MRPL20: variants seen among roughly 807,000 people sequenced by gnomAD.
MRPL20 encodes the protein large ribosomal subunit protein bL20m.
Under a neutral mutation model 20.0 loss-of-function variants are expected in MRPL20, and 21 were observed. The observed-to-expected ratio is 1.05, with a 90% CI of 0.74 to 1.51. The LOEUF is 1.51. MRPL20 is among the 40% of genes most tolerant of loss of function. MRPL20 has a pLI of 0.00. For synonymous variants in MRPL20, 104 were observed against 73.0 expected, an observed-to-expected ratio of 1.43 and a Z score of -2.17; for missense variants, 252 against 185.6, an observed-to-expected ratio of 1.36 and a Z score of -2.08.
chr1:1,405,672 G>A (rs529634543), intron 3 of MRPL20, 137 bp downstream of exon 3: 105 of 1,470,594 alleles, frequency 7.1e-5, no homozygotes, highest in Non-Finnish European at 9.6e-5. Context: ...GCAAACTACA[G>A]CCCAGAAGTC....
intron 3 of MRPL20, 142 bp downstream of exon 3, chr1:1,405,667 C>T (rs1274682864): frequency 2.7e-6 from 4 of 1,455,394 alleles, no homozygotes; most frequent in South Asian, 2.3e-5. Flanking sequence ...GCATAGCAAA[C>T]TACAGCCCAG....
rs767711323 is a variant in MRPL20, at chr1:1,406,917, T to C, written c.190A>G (p.Met64Val). ...CCCGGGTCCACGCTTACGGTCCTCA[T>C]GTTCTTTTTCTTCAGGTATCGGGCT... Reference protein sequence around the residue: ...TKARYLKKKNMRTLWINRITA... With the variant: ...TKARYLKKKNVRTLWINRITA... The change falls in exon 2 of 4, where the codon ATG becomes GTG. Residue 64 changes from methionine (M) to valine (V), a missense_variant. Coordinates refer to ENST00000344843, the MANE Select transcript of MRPL20 (RefSeq NM_017971.4). The C allele has an allele frequency of 6.2e-7, 1 of 1,612,562 alleles. No individual in the cohort carries two copies. The highest frequency in any genetic ancestry group is 8.5e-7 in the Non-Finnish European group (1 of 1,178,704).
chr1:1,401,942 T>G lies in MRPL20; in HGVS notation c.*141A>C, dbSNP rs2100390408. On this transcript the variant is annotated 3_prime_UTR_variant, in exon 4 of 4. Coordinates refer to ENST00000344843, the MANE Select transcript of MRPL20 (RefSeq NM_017971.4). ...GTTTGAGTTTCATTCACACAAAACA[T>G]GGACATCATCTGTGAGGCTCTGTCC... The G allele has an allele frequency of 1.0e-6, 1 of 973,208 alleles. No homozygotes were observed. Among genetic ancestry groups the G allele is most frequent in the East Asian group, 2.5e-5 (1 of 39,976 alleles). The allele number at this position is 973,208 out of a possible 1,614,324, so 60.3% of individuals were successfully genotyped here.
Position 1,406,996 on chromosome 1 carries a change from G to A in MRPL20, c.111C>T (p.Arg37=). ...CGGTTCTGACCGCCAACCTGTAGCA[G>A]CGATTTTTCCTTCCCCGGAAGTGCT... ...HARHFRGRKN[R]CYRLAVRTVI... Residue 37 remains arginine (R), a synonymous_variant, in exon 2 of 4, where the codon CGC becomes CGT. Transcript: ENST00000344843. 4 of 1,613,830 alleles carry A rather than the reference G, an allele frequency of 2.5e-6. No homozygotes were observed. Among genetic ancestry groups the A allele is most frequent in the Non-Finnish European group, 3.4e-6 (4 of 1,179,756 alleles).
chr1:1,403,531 C>T (rs1183555006), intron 3 of MRPL20, among the ~76,000 whole-genome samples: 4 of 152,096 alleles, frequency 2.6e-5, no homozygotes, highest in South Asian at 2.1e-4. Flanking sequence ...CGTGAGCCAC[C>T]GTGCCCGGCC....
chr1:1,405,604 T>C, intron 3 of MRPL20: 1 of 906,804 alleles, frequency 1.1e-6, no homozygotes, highest in Non-Finnish European at 1.7e-6. Context: ...GGTGGTCCCT[T>C]GCTCCCAAGA....
At chr1:1,406,826 G>C (rs965524834) in intron 2 of MRPL20, 83 bp downstream of exon 2, 2 of 1,180,862 alleles carry the variant, frequency 1.7e-6, no homozygotes, top group Admixed American at 3.4e-5. Flanking sequence ...GTGGCCGGGC[G>C]GCTGCACACT....
At chr1:1,407,062 C>T (rs1645392042) in intron 1 of MRPL20, 43 bp from the exon 2 acceptor site, 1 of 1,609,992 alleles carries the variant, frequency 6.2e-7, no homozygotes, top group African/African-American at 1.3e-5. Context: ...GCGGGGCCCG[C>T]GCCGGCCGCC....
chr1:1,406,221 C>T (rs1645382546), intron 2 of MRPL20: 1 of 250,180 alleles, frequency 4.0e-6, no homozygotes, highest in South Asian at 4.7e-5. Flanking sequence ...CTTGGTGGCG[C>T]ACACCTGCAG....
In MRPL20 at chr1:1,406,169, A is replaced by T. The variant is rs545321139; in HGVS notation, c.199-283T>A. The T allele has an allele frequency of 2.8e-5, 10 of 351,222 alleles. No homozygotes were observed. The South Asian group carries it at 3.4e-4, about 12-fold the overall frequency. 21.8% of individuals were successfully genotyped at this position (351,222 alleles called of 1,614,324 possible). A position where few individuals can be genotyped will look rare whatever the true frequency, so the allele number is the denominator to read the frequency against. On this transcript the variant is annotated intron_variant, in intron 2 of 3. Transcript: ENST00000344843. ...TCTGGAGTTCGAGACCAGCCTGACC[A>T]ACATGGCGGAACCCGGTCTCTACTA... is the stretch of plus-strand genomic sequence containing the variant.
chr1:1,405,403 A>C, intron 3 of MRPL20: 2 of 563,378 alleles, frequency 3.6e-6, no homozygotes, highest in Non-Finnish European at 6.3e-6. Flanking sequence ...CAGACTCCTC[A>C]GTAGCTGACA....
Position 1,403,127 on chromosome 1 carries a change from C to CAAAAA in MRPL20, c.277-876_277-872dup, listed in dbSNP as rs113198351. Among the ~76,000 whole-genome samples, 28 of 138,482 alleles carry CAAAAA rather than the reference C, an allele frequency of 2.0e-4. 1 individual carries two copies. The highest frequency in any genetic ancestry group is 5.2e-4 in the African/African-American group (19 of 36,630). 90.8% of individuals were successfully genotyped at this position (138,482 alleles called of 152,430 possible). ...CTGAGCAACAGAGTGAGATTGTATCCAAAAAAAAAAAGGAACAAAAACACA... is the reference window on the plus strand; with the variant it reads ...CTGAGCAACAGAGTGAGATTGTATCCAAAAAAAAAAAAAAAAGGAACAAAAACACA... On this transcript the variant is annotated intron_variant, in intron 3 of 3. Coordinates refer to ENST00000344843, the MANE Select transcript of MRPL20 (RefSeq NM_017971.4).
At chr1:1,405,319 G>A in intron 3 of MRPL20, 1 of 343,098 alleles carries the variant, frequency 2.9e-6, no homozygotes, top group South Asian at 3.8e-5. Context: ...TCTCACCTAG[G>A]CTAGAGTGCA....
intron 3 of MRPL20, among the ~76,000 whole-genome samples, chr1:1,403,908 C>G (rs35299041): frequency 0.06 from 9,083 of 152,262 alleles, 349 homozygotes; most frequent in East Asian, 0.092. Flanking sequence ...CTGGTGTGAT[C>G]TCAGCCCACT....
chr1:1,401,967 C>T lies in MRPL20; in HGVS notation c.*116G>A. The T allele has an allele frequency of 8.5e-7, 1 of 1,175,728 alleles. No individual in the cohort carries two copies. Among genetic ancestry groups the T allele is most frequent in the East Asian group, 2.4e-5 (1 of 41,882 alleles). 72.8% of individuals were successfully genotyped at this position (1,175,728 alleles called of 1,614,324 possible). A position where few individuals can be genotyped will look rare whatever the true frequency, so the allele number is the denominator to read the frequency against. ...TGGACATCATCTGTGAGGCTCTGTCCCAGAGAGACAGGGCCATCCCTCATG... is the reference window on the plus strand; with the variant it reads ...TGGACATCATCTGTGAGGCTCTGTCTCAGAGAGACAGGGCCATCCCTCATG... On this transcript the variant is annotated 3_prime_UTR_variant, in exon 4 of 4. Transcript: ENST00000344843.
intron 2 of MRPL20, chr1:1,406,444 G>A (rs747696741): frequency 4.8e-4 from 100 of 208,698 alleles, no homozygotes; most frequent in Non-Finnish European, 6.4e-4. Flanking sequence ...CACGTGGACA[G>A]AGTGGAGGCG....
rs961884092 is a variant in MRPL20 at position 1,405,389 on chromosome 1, G to C, written c.276+420C>G. 5.6e-6 allele frequency: 3 copies of C among 538,732 alleles called. No individual in the cohort carries two copies. In the South Asian group the frequency reaches 6.7e-5, roughly 12 times the overall value. The allele number at this position is 538,732 out of a possible 1,614,324, so 33.4% of individuals were successfully genotyped here. On this transcript the variant is annotated intron_variant, in intron 3 of 3. Coordinates refer to ENST00000344843, the MANE Select transcript of MRPL20 (RefSeq NM_017971.4). ...CCTGGGGGCTCAAAGTGATCCCCCTGCTTCAGACTCCTCAGTAGCTGACAT... is the reference window on the plus strand; with the variant it reads ...CCTGGGGGCTCAAAGTGATCCCCCTCCTTCAGACTCCTCAGTAGCTGACAT...
At chr1:1,402,646 G>A (rs1427928453) in intron 3 of MRPL20, 4 of 993,650 alleles carry the variant, frequency 4.0e-6, no homozygotes, top group African/African-American at 1.7e-5. Flanking sequence ...AACAATGCCA[G>A]AGTTTAAGGA....
intron 3 of MRPL20, chr1:1,405,426 G>A (rs1645373495): frequency 1.7e-6 from 1 of 586,922 alleles, no homozygotes; most frequent in South Asian, 2.0e-5. Context: ...ACATGTCTCT[G>A]TACCACCACA....
Sources: gnomAD v4.1 joint callset for allele counts (sites outside exome capture counted in the v4.1 genomes callset) on GRCh38, gnomAD v4.1.1 for gene constraint, MANE v1.5 for transcripts, NCBI Gene and HGNC (gene_info 2026-07-23, HGNC 2026-07-21) for gene names.